Variants in CDKAL1 observed in about 807,000 individuals in gnomAD.
The protein encoded by CDKAL1 is threonylcarbamoyladenosine tRNA methylthiotransferase.
Under a neutral mutation model 68.2 loss-of-function variants are expected in CDKAL1, and 32 were observed. That is an observed-to-expected ratio of 0.47 (90% confidence interval 0.35 to 0.63). The LOEUF is 0.63. Ranked by LOEUF, CDKAL1 falls within the 30% of genes least tolerant of loss-of-function variation. The pLI, the probability that CDKAL1 is intolerant of heterozygous loss-of-function variation, is 0.00. For synonymous variants in CDKAL1, 234 were observed against 244.3 expected (o/e 0.96, Z 0.39); for missense variants, 606 against 696.7 (o/e 0.87, Z 1.47).
chr6:21,187,190 G>A (rs1334854838), intron 13 of CDKAL1, among the ~76,000 whole-genome samples: 2 of 152,192 alleles, frequency 1.3e-5, no homozygotes, highest in Non-Finnish European at 2.9e-5. Flanking sequence ...ACATGGTGCA[G>A]TTTTAAAGTA....
At chr6:21,006,772 A>G (rs561033116) in intron 11 of CDKAL1, among the ~76,000 whole-genome samples, 52 of 152,314 alleles carry the variant, frequency 3.4e-4, no homozygotes, top group African/African-American at 1.2e-3. Context: ...TTTGAAGGCA[A>G]CTGTTACTTT....
intron 13 of CDKAL1, among the ~76,000 whole-genome samples, chr6:21,156,424 CAA>C (rs372631710): frequency 2.5e-4 from 21 of 85,112 alleles, no homozygotes; most frequent in Admixed American, 1.0e-3. Context: ...ACCCTGTCTC[CAA>C]AAAAAAAAAA....
At chr6:20,767,315 C>G (rs963701855) in intron 7 of CDKAL1, among the ~76,000 whole-genome samples, 2 of 152,076 alleles carry the variant, frequency 1.3e-5, no homozygotes, top group African/African-American at 4.8e-5. Context: ...ATTCTCAGCA[C>G]AATAGTAAAT....
At chr6:20,810,235 C>T (rs1432724887) in intron 8 of CDKAL1, among the ~76,000 whole-genome samples, 2 of 152,212 alleles carry the variant, frequency 1.3e-5, no homozygotes, top group Non-Finnish European at 2.9e-5. Flanking sequence ...ATCTGTCTTC[C>T]ACCACCCTTG....
chr6:20,937,497 GT>G (rs1000396070), intron 9 of CDKAL1, among the ~76,000 whole-genome samples: 10 of 152,144 alleles, frequency 6.6e-5, no homozygotes, highest in African/African-American at 2.4e-4. Context: ...TTCACCCATT[GT>G]TTCACTAACT....
At chr6:20,725,783 TAAAAAAAA>T (rs67587689) in intron 5 of CDKAL1, among the ~76,000 whole-genome samples, 1 of 99,084 alleles carries the variant, frequency 1.0e-5, no homozygotes, top group Non-Finnish European at 2.1e-5. Context: ...AAACTCCGTC[TAAAAAAAA>T]AAAAAAAAAA....
At chr6:20,545,848 A>G (rs1763579416) in intron 2 of CDKAL1, among the ~76,000 whole-genome samples, 1 of 152,254 alleles carries the variant, frequency 6.6e-6, no homozygotes, top group Admixed American at 6.5e-5. Context: ...TCTCTAAAAA[A>G]TAAAATTTTT....
intron 8 of CDKAL1, among the ~76,000 whole-genome samples, chr6:20,786,837 G>A (rs1056236457): frequency 1.3e-5 from 2 of 152,048 alleles, no homozygotes; most frequent in African/African-American, 4.8e-5. Flanking sequence ...ACGGTGTGGA[G>A]ACGGGTAGGA....
At chr6:21,057,755 T>A (rs1203528079) in intron 11 of CDKAL1, among the ~76,000 whole-genome samples, 1 of 152,234 alleles carries the variant, frequency 6.6e-6, no homozygotes, top group Non-Finnish European at 1.5e-5. Context: ...ATTTCTACCT[T>A]AATTTCATTA....
chr6:20,871,113 TAGG>T (rs1760188546), intron 9 of CDKAL1, among the ~76,000 whole-genome samples: 1 of 152,152 alleles, frequency 6.6e-6, no homozygotes, highest in Non-Finnish European at 1.5e-5. Flanking sequence ...ATTAACCAAT[TAGG>T]AGAAGTACCT....
intron 7 of CDKAL1, among the ~76,000 whole-genome samples, chr6:20,775,359 C>G (rs1775128779): frequency 6.6e-6 from 1 of 152,122 alleles, no homozygotes; most frequent in Non-Finnish European, 1.5e-5. Flanking sequence ...TTCACTCAAG[C>G]CAAAAGGCTG....
In CDKAL1 at chr6:21,012,826, G is replaced by A. The variant is rs114414590; in HGVS notation, c.1055+12454G>A. On this transcript the variant is annotated intron_variant, in intron 11 of 15. Transcript: ENST00000274695. Reference sequence around the variant, plus strand: ...GAGTGGGTTCTAATACTTCCTTCTCGTACCAGCATGAGCCCCGGCAATTGC... The same window carrying A: ...GAGTGGGTTCTAATACTTCCTTCTCATACCAGCATGAGCCCCGGCAATTGC... Among the ~76,000 whole-genome samples, 271 of 152,172 alleles carry A rather than the reference G, an allele frequency of 1.8e-3. 2 individuals carry two copies. The highest frequency in any genetic ancestry group is 6.0e-3 in the African/African-American group (248 of 41,526).
intron 9 of CDKAL1, among the ~76,000 whole-genome samples, chr6:20,947,753 T>C (rs2150711139): frequency 6.6e-6 from 1 of 152,322 alleles, no homozygotes; most frequent in Non-Finnish European, 1.5e-5. Flanking sequence ...AAGCCTATTT[T>C]ATAATATAGT....
intron 13 of CDKAL1, among the ~76,000 whole-genome samples, chr6:21,157,618 C>T (rs34689265): frequency 0.079 from 12,001 of 152,168 alleles, 652 homozygotes; most frequent in East Asian, 0.27. Flanking sequence ...TGAAAGCAAC[C>T]TCTTTGTTTG....
intron 5 of CDKAL1, among the ~76,000 whole-genome samples, chr6:20,656,823 C>T (rs1296565554): frequency 1.3e-5 from 2 of 152,004 alleles, no homozygotes; most frequent in African/African-American, 2.4e-5. Flanking sequence ...TGGTAGCAAG[C>T]ACAGGTTCCT....
chr6:21,208,188 T>C (rs898166), intron 15 of CDKAL1, among the ~76,000 whole-genome samples: 21,700 of 152,036 alleles, frequency 0.14, 1,603 homozygotes, highest in East Asian at 0.22. Flanking sequence ...AGCTCAGCCC[T>C]GACACAGCCG....
chr6:21,185,377 G>T (rs1270802059), intron 13 of CDKAL1, among the ~76,000 whole-genome samples: 1 of 152,132 alleles, frequency 6.6e-6, no homozygotes, highest in Non-Finnish European at 1.5e-5. Context: ...AGATTGATAT[G>T]AAAAAGTACA....
At chr6:21,087,976 G>A (rs1047685204) in intron 12 of CDKAL1, among the ~76,000 whole-genome samples, 3 of 152,116 alleles carry the variant, frequency 2.0e-5, no homozygotes, top group African/African-American at 7.2e-5. Context: ...TACAGGATGG[G>A]ACGGGACAGG....
At chr6:20,608,301 T>C (rs1766423607) in intron 4 of CDKAL1, among the ~76,000 whole-genome samples, 1 of 152,160 alleles carries the variant, frequency 6.6e-6, no homozygotes, top group South Asian at 2.1e-4. Context: ...ACACAAGTTA[T>C]CTATATATAG....
Sources: gnomAD v4.1 joint callset for allele counts (sites outside exome capture counted in the v4.1 genomes callset) on GRCh38, gnomAD v4.1.1 for gene constraint, MANE v1.5 for transcripts, NCBI Gene and HGNC (gene_info 2026-07-23, HGNC 2026-07-21) for gene names.